Variants in PARVA observed in about 807,000 individuals in gnomAD.
The protein encoded by PARVA is alpha-parvin.
Under a neutral mutation model 52.6 loss-of-function variants are expected in PARVA, and 25 were observed. The observed-to-expected ratio is 0.48, with a 90% confidence interval of 0.35 to 0.66. The LOEUF (loss-of-function observed/expected upper bound fraction) is 0.66. PARVA is among the 30% of genes least tolerant of loss of function. The pLI is 0.01. For synonymous variants in PARVA, 185 were observed against 179.1 expected (o/e 1.03, Z -0.26); for missense variants, 373 against 450.9 (o/e 0.83, Z 1.56).
At chr11:12,377,396 C>G (rs927332970), upstream of PARVA, 1 of 1,360,332 alleles carries the variant, frequency 7.4e-7, no homozygotes, top group African/African-American at 1.5e-5. Context: ...GGGGCATCCT[C>G]CCTGCTTGGG....
Position 12,478,167 on chromosome 11 carries a change from G to A in PARVA, c.400+218G>A, listed in dbSNP as rs1208442478. 8 of 638,786 alleles carry A rather than the reference G, an allele frequency of 1.3e-5. No individual in the cohort carries two copies. In the Admixed American group the frequency reaches 1.7e-4, roughly 14 times the overall value. 39.6% of individuals were successfully genotyped at this position (638,786 alleles called of 1,614,324 possible). ...TAGAGGGAGTCTCCATGACTAGGTG[G>A]GCCTGCTCCTTCTAGCAGCCAAGAA... On this transcript the variant is annotated intron_variant, in intron 4 of 12. Transcript: ENST00000334956.
intron 4 of PARVA, among the ~76,000 whole-genome samples, chr11:12,484,426 A>G (rs1472359768): frequency 6.6e-6 from 1 of 152,056 alleles, no homozygotes; most frequent in African/African-American, 2.4e-5. Context: ...TGTGACTGAA[A>G]CAGGATATCA....
At position 12,488,563 on chromosome 11, in the gene PARVA, C is replaced by T. The variant is rs916173783; in HGVS notation, c.401-7895C>T. ...TCTGAGCAAGAAAGAGGGTTGGATT[C>T]GAGCCCCCTGAATAGAGCCATGGTC... On this transcript the variant is annotated intron_variant, in intron 4 of 12. Transcript: ENST00000334956. Among the ~76,000 whole-genome samples, 6 of 152,214 alleles carry T rather than the reference C, an allele frequency of 3.9e-5. No homozygotes were observed. In the East Asian group the frequency reaches 7.7e-4, roughly 20 times the overall value.
Position 12,496,592 on chromosome 11 carries a change from G to A in PARVA, c.535G>A (p.Val179Met). Reference protein sequence around the residue: ...KLPPRSIKWNVDSVHAKSLVA... With the variant: ...KLPPRSIKWNMDSVHAKSLVA... ...TCCTCCCAGGAGCATCAAGTGGAAT[G>A]TGGATTGTGAGTTGAACAAAGGAAA... Residue 179 changes from valine (V) to methionine (M), a missense_variant, in exon 5 of 13, where the codon GTG (valine) becomes ATG (methionine). Physicochemically the swap from Val to Met is conservative, Grantham distance 21. Transcript: ENST00000334956. 6.2e-7 allele frequency: 1 copy of A among 1,611,880 alleles called. No individual in the cohort carries two copies. Among genetic ancestry groups the A allele is most frequent in the Non-Finnish European group, 8.5e-7 (1 of 1,179,150 alleles).
At chr11:12,383,620 A>G (rs1003660700) in intron 1 of PARVA, among the ~76,000 whole-genome samples, 1 of 152,174 alleles carries the variant, frequency 6.6e-6, no homozygotes, top group Non-Finnish European at 1.5e-5. Context: ...CTGCAGAGCT[A>G]CCCTTTTCTT....
At chr11:12,488,780 C>T (rs1477008844) in intron 4 of PARVA, among the ~76,000 whole-genome samples, 1 of 152,186 alleles carries the variant, frequency 6.6e-6, no homozygotes, top group Non-Finnish European at 1.5e-5. Flanking sequence ...TTTAAAAAAT[C>T]TAAATTGAAA....
intron 1 of PARVA, among the ~76,000 whole-genome samples, chr11:12,425,753 T>G (rs1940222474): frequency 6.6e-6 from 1 of 152,196 alleles, no homozygotes; most frequent in African/African-American, 2.4e-5. Context: ...TTCTTTTGTT[T>G]AGCAAACAGA....
At chr11:12,447,430 G>A (rs1251662438) in intron 1 of PARVA, among the ~76,000 whole-genome samples, 1 of 152,206 alleles carries the variant, frequency 6.6e-6, no homozygotes, top group Non-Finnish European at 1.5e-5. Flanking sequence ...AGCAGAGAGA[G>A]AGAGGGACCA....
intron 1 of PARVA, among the ~76,000 whole-genome samples, chr11:12,381,963 A>G (rs973294294): frequency 1.6e-4 from 24 of 152,216 alleles, no homozygotes; most frequent in African/African-American, 5.5e-4. Flanking sequence ...GGTTTATGGT[A>G]TTTCACTAAG....
At chr11:12,421,426 G>T (rs907139571) in intron 1 of PARVA, among the ~76,000 whole-genome samples, 2 of 152,154 alleles carry the variant, frequency 1.3e-5, no homozygotes, top group Non-Finnish European at 2.9e-5. Flanking sequence ...TCCTCTGAAA[G>T]TCTAAATTCC....
chr11:12,410,842 A>C (rs1032346946), intron 1 of PARVA, among the ~76,000 whole-genome samples: 1 of 152,190 alleles, frequency 6.6e-6, no homozygotes, highest in Non-Finnish European at 1.5e-5. Context: ...TATCGCATGG[A>C]ATGTTCATCA....
intron 1 of PARVA, among the ~76,000 whole-genome samples, chr11:12,418,568 C>A (rs889462928): frequency 5.3e-5 from 8 of 152,152 alleles, no homozygotes; most frequent in African/African-American, 1.9e-4. Context: ...CAGCCTCCCC[C>A]ACCCAGTTCA....
chr11:12,488,220 G>A lies in PARVA; in HGVS notation c.401-8238G>A, dbSNP rs150205694. 1.1e-4 allele frequency among the ~76,000 whole-genome samples: 16 copies of A among 152,258 alleles called. No homozygotes were observed. The East Asian group carries it at 3.1e-3, about 29-fold the overall frequency. ...AATGGCTGTTACAACTATTATAAGT[G>A]TTTCAGAGGTCCTAATTAATATGAT... On this transcript the variant is annotated intron_variant, in intron 4 of 12. Transcript: ENST00000334956.
intron 1 of PARVA, among the ~76,000 whole-genome samples, chr11:12,443,045 T>C (rs1429864114): frequency 6.6e-6 from 1 of 151,820 alleles, no homozygotes; most frequent in African/African-American, 2.4e-5. Context: ...ATATTTTTAG[T>C]ACAGATGGGG....
chr11:12,499,103 C>T (rs764059010), intron 5 of PARVA, among the ~76,000 whole-genome samples: 1 of 152,094 alleles, frequency 6.6e-6, no homozygotes, highest in Non-Finnish European at 1.5e-5. Context: ...TAGCTTGTGC[C>T]TCTTTTTGCT....
chr11:12,512,959 G>A (rs1941521048), intron 8 of PARVA, among the ~76,000 whole-genome samples: 1 of 152,132 alleles, frequency 6.6e-6, no homozygotes. Flanking sequence ...CCTCTACAGA[G>A]GTTCAGAAAC....
rs372792584 is a variant in PARVA at position 12,476,582 on chromosome 11, T to TG, written c.298-1261dup. Reference sequence around the variant, plus strand: ...TCTCTCCTGCCCACTCCCAGCCTGTTGGGGCCTCTTCTCTACTCTCTCATA... The same window carrying TG: ...TCTCTCCTGCCCACTCCCAGCCTGTTGGGGGCCTCTTCTCTACTCTCTCATA... On this transcript the variant is annotated intron_variant, in intron 3 of 12. Coordinates refer to ENST00000334956, the MANE Select transcript of PARVA (RefSeq NM_018222.5). 4.4e-3 allele frequency among the ~76,000 whole-genome samples: 666 copies of TG among 152,158 alleles called. 6 individuals are homozygous for TG. Among genetic ancestry groups the TG allele is most frequent in the African/African-American group, 0.015 (633 of 41,490 alleles).
At chr11:12,521,695 T>C (rs1407266749) in intron 12 of PARVA, among the ~76,000 whole-genome samples, 1 of 152,158 alleles carries the variant, frequency 6.6e-6, no homozygotes, top group East Asian at 1.9e-4. Context: ...CCCAATGTCA[T>C]CACAGGGGTC....
intron 10 of PARVA, among the ~76,000 whole-genome samples, chr11:12,515,784 G>A (rs1009270599): frequency 6.6e-6 from 1 of 152,132 alleles, no homozygotes; most frequent in African/African-American, 2.4e-5. Context: ...GGTGAGTCAT[G>A]CTCAGGCCGT....
Sources: gnomAD v4.1 joint callset for allele counts (sites outside exome capture counted in the v4.1 genomes callset) on GRCh38, gnomAD v4.1.1 for gene constraint, MANE v1.5 for transcripts, NCBI Gene and HGNC (gene_info 2026-07-23, HGNC 2026-07-21) for gene names.